TSPAN12: variants seen among roughly 807,000 people sequenced by gnomAD.
The protein encoded by TSPAN12 is tetraspanin-12.
TSPAN12 carries 19 observed loss-of-function variants against 39.2 expected under a neutral mutation model. The ratio of observed to expected loss-of-function variants is 0.49; its 90% CI spans 0.34 to 0.71. The LOEUF is 0.71. Among genes scored for constraint, TSPAN12 ranks in the 30% least tolerant of loss-of-function variants. The pLI is 0.01. For synonymous variants in TSPAN12, 119 were observed against 124.8 expected, an observed-to-expected ratio of 0.95 and a Z score of 0.31; for missense variants, 314 against 359.9, an observed-to-expected ratio of 0.87 and a Z score of 1.03.
chr7:120,807,861 A>C (rs983397027), intron 6 of TSPAN12, among the ~76,000 whole-genome samples: 2 of 152,130 alleles, frequency 1.3e-5, no homozygotes, highest in Non-Finnish European at 2.9e-5. Context: ...TGAGAAACTT[A>C]AAAAATACTT....
At position 120,856,844 on chromosome 7, in the gene TSPAN12, C is replaced by T; in HGVS notation, c.-70-11G>A. On this transcript the variant is annotated splice_polypyrimidine_tract_variant and intron_variant, in intron 1 of 7. Transcript: ENST00000222747. ...CAAAACGGCAGCGATCTGCAGGGGGCGGGGGAGAGAGAACACGGGACATCT... is the reference window on the plus strand; with the variant it reads ...CAAAACGGCAGCGATCTGCAGGGGGTGGGGGAGAGAGAACACGGGACATCT... The T allele has an allele frequency of 2.7e-6, 4 of 1,464,226 alleles. No individual in the cohort carries two copies. The South Asian group carries it at 4.6e-5, about 17-fold the overall frequency. 90.7% of individuals were successfully genotyped at this position (1,464,226 alleles called of 1,614,324 possible).
intron 2 of TSPAN12, among the ~76,000 whole-genome samples, chr7:120,850,757 T>TCCCCC (rs1794755826): frequency 1.3e-5 from 2 of 151,958 alleles, no homozygotes; most frequent in African/African-American, 4.8e-5. Context: ...TGACACGATC[T>TCCCCC]TGGCTCACTG....
chr7:120,826,804 C>T (rs1245160308), intron 4 of TSPAN12, among the ~76,000 whole-genome samples: 1 of 152,132 alleles, frequency 6.6e-6, no homozygotes, highest in Non-Finnish European at 1.5e-5. Flanking sequence ...CTCACTGCAA[C>T]CTCCCCATCC....
chr7:120,830,505 C>T (rs371171015), intron 4 of TSPAN12, among the ~76,000 whole-genome samples: 1 of 152,124 alleles, frequency 6.6e-6, no homozygotes, highest in East Asian at 1.9e-4. Flanking sequence ...GACACATTTA[C>T]AGCCAATTGA....
chr7:120,816,854 G>A (rs1794093607), intron 4 of TSPAN12, among the ~76,000 whole-genome samples: 12 of 152,096 alleles, frequency 7.9e-5, no homozygotes, highest in Admixed American at 7.9e-4. Context: ...GAGGCATGAA[G>A]CGAGCAGCTG....
chr7:120,807,548 C>T (rs938490527), intron 6 of TSPAN12, among the ~76,000 whole-genome samples: 2 of 152,080 alleles, frequency 1.3e-5, no homozygotes, highest in Non-Finnish European at 2.9e-5. Context: ...GGACTATGGG[C>T]AGTCACTGAG....
chr7:120,788,717 T>C lies in TSPAN12; in HGVS notation c.793A>G (p.Asn265Asp). The change falls in exon 8 of 8, where the codon AAT (asparagine) becomes GAT (aspartate). Residue 265 changes from asparagine to aspartate, a missense_variant. By Grantham distance (23) the Asn-to-Asp change is conservative (BLOSUM62 1). Transcript: ENST00000222747. ...CATGACAGGTGCTGAGAGTTGTCAT[T>C]CTTCAAGGACATCATTTGGTCTGTC... is the stretch of plus-strand genomic sequence containing the variant. The part of the protein sequence containing the change: ...PGTDQMMSLK[N>D]DNSQHLSCPS... The C allele has an allele frequency of 6.2e-7, 1 of 1,614,170 alleles. No individual in the cohort carries two copies. Among genetic ancestry groups the C allele is most frequent in the Non-Finnish European group, 8.5e-7 (1 of 1,180,020 alleles).
chr7:120,808,296 C>T (rs1049859036), intron 6 of TSPAN12, among the ~76,000 whole-genome samples: 3 of 152,114 alleles, frequency 2.0e-5, no homozygotes, highest in Non-Finnish European at 4.4e-5. Context: ...GCTGAACTTA[C>T]TTTTATTTTA....
Position 120,839,038 on chromosome 7 carries a change from T to C in TSPAN12, c.150-126A>G, listed in dbSNP as rs1368395562. 4.3e-6 allele frequency: 4 copies of C among 938,042 alleles called. No individual in the cohort carries two copies. In the African/African-American group the frequency reaches 6.7e-5, roughly 16 times the overall value. The allele number at this position is 938,042 out of a possible 1,614,324, so 58.1% of individuals were successfully genotyped here. A position where few individuals can be genotyped will look rare whatever the true frequency, so the allele number is the denominator to read the frequency against. On this transcript the variant is annotated intron_variant, in intron 3 of 7. Coordinates refer to ENST00000222747, the MANE Select transcript of TSPAN12 (RefSeq NM_012338.4). The stretch of plus-strand genomic sequence containing the variant: ...ATCATGATGCCTCAAAACTAGTGAC[T>C]GCATTGTTATTTTCAAAATCACTGT...
At chr7:120,813,381 T>C (rs1039337721) in intron 5 of TSPAN12, among the ~76,000 whole-genome samples, 36 of 152,222 alleles carry the variant, frequency 2.4e-4, no homozygotes, top group African/African-American at 8.4e-4. Context: ...AGTGGGCACC[T>C]ATTTAGCACT....
chr7:120,829,037 T>G (rs1794341459), intron 4 of TSPAN12, among the ~76,000 whole-genome samples: 1 of 152,198 alleles, frequency 6.6e-6, no homozygotes, highest in Non-Finnish European at 1.5e-5. Flanking sequence ...GTTTTATAAC[T>G]AAAATAACGG....
At chr7:120,838,936 T>G (rs1794529421) in intron 3 of TSPAN12, 24 bp from the exon 4 acceptor site, 3 of 1,612,504 alleles carry the variant, frequency 1.9e-6, no homozygotes, top group Non-Finnish European at 2.5e-6. Flanking sequence ...AATAATGTAT[T>G]AGAAAGAAAA....
At chr7:120,812,158 A>T (rs1452393104) in intron 5 of TSPAN12, among the ~76,000 whole-genome samples, 2 of 152,242 alleles carry the variant, frequency 1.3e-5, no homozygotes, top group Non-Finnish European at 2.9e-5. Context: ...CAGAGTATTT[A>T]ATCATGACAG....
chr7:120,857,652 G>C (rs527853623), intron 1 of TSPAN12, among the ~76,000 whole-genome samples, 168 bp downstream of exon 1: 279 of 152,148 alleles, frequency 1.8e-3, no homozygotes, highest in African/African-American at 6.3e-3. Context: ...CGCGGCCACC[G>C]ACCCAGCCAT....
chr7:120,842,135 A>G (rs1489627703), intron 2 of TSPAN12, among the ~76,000 whole-genome samples: 1 of 152,338 alleles, frequency 6.6e-6, no homozygotes, highest in East Asian at 1.9e-4. Context: ...AATATACAGA[A>G]GGTAGAAATG....
chr7:120,823,250 G>A (rs1455499030), intron 4 of TSPAN12, among the ~76,000 whole-genome samples: 1 of 151,886 alleles, frequency 6.6e-6, no homozygotes, highest in African/African-American at 2.4e-5. Context: ...ACTACCTGAA[G>A]CAATAGCTTC....
chr7:120,799,596 T>TTAAATATAATTA (rs1793713586), intron 7 of TSPAN12, among the ~76,000 whole-genome samples: 7 of 113,876 alleles, frequency 6.1e-5, no homozygotes, highest in Non-Finnish European at 1.2e-4. Flanking sequence ...AATAATATAA[T>TTAAATATAATTA]TATATATAAT....
chr7:120,805,786 T>G (rs1457537687), intron 7 of TSPAN12, among the ~76,000 whole-genome samples: 1 of 152,122 alleles, frequency 6.6e-6, no homozygotes, highest in Non-Finnish European at 1.5e-5. Context: ...AACAGATATT[T>G]TAATTTTAAT....
intron 4 of TSPAN12, among the ~76,000 whole-genome samples, chr7:120,828,206 A>C (rs926799189): frequency 2.6e-5 from 4 of 152,184 alleles, no homozygotes. Flanking sequence ...CTTAGCCAAG[A>C]GTAACAAGAC....
Sources: allele counts gnomAD v4.1 joint callset (sites outside exome capture counted in the v4.1 genomes callset), GRCh38; gene constraint gnomAD v4.1.1; transcripts MANE v1.5; gene names NCBI Gene and HGNC (gene_info 2026-07-23, HGNC 2026-07-21).